TRIM37: variants seen among roughly 807,000 people sequenced by gnomAD.
TRIM37 encodes tripartite motif containing 37.
Under a neutral mutation model 129.8 loss-of-function variants are expected in TRIM37, and 80 were observed. The ratio of observed to expected loss-of-function variants is 0.62; its 90% CI spans 0.51 to 0.74. The LOEUF is 0.74. Ranked by LOEUF, TRIM37 falls within the 30% of genes least tolerant of loss-of-function variation. The pLI is 0.00. For synonymous variants in TRIM37, 389 were observed against 387.1 expected, an observed-to-expected ratio of 1.00 and a Z score of -0.06; for missense variants, 1,054 against 1,176.5, an observed-to-expected ratio of 0.90 and a Z score of 1.52.
chr17:59,098,729 A>T (rs1370143832), intron 2 of TRIM37, among the ~76,000 whole-genome samples: 2 of 152,114 alleles, frequency 1.3e-5, no homozygotes, highest in African/African-American at 2.4e-5. Context: ...AATTAAAAAA[A>T]AATTAACAGA....
rs555396617 is a variant in TRIM37, at chr17:59,028,014, A to G, written c.2257+401T>C. 5.3e-5 allele frequency among the ~76,000 whole-genome samples: 8 copies of G among 152,300 alleles called. No homozygotes were observed. The South Asian group carries it at 1.7e-3, about 32-fold the overall frequency. ...CTCAGGTCAAGTGCTGCCTCCTCAC[A>G]GAGACTTTCTCTGACTACCCCAATA... On this transcript the variant is annotated intron_variant, in intron 19 of 23. Coordinates refer to ENST00000262294, the MANE Select transcript of TRIM37 (RefSeq NM_015294.6).
exon 25 of TRIM37, chr17:58,982,688 G>A (rs1385836224): frequency 8.4e-6 from 4 of 477,354 alleles, no homozygotes; most frequent in Admixed American, 7.2e-5. Context: ...TTAAAATTTG[G>A]ATGTAAGTAG....
intron 21 of TRIM37, 42 bp downstream of exon 21, chr17:59,015,568 T>C: frequency 6.3e-7 from 1 of 1,588,156 alleles, no homozygotes; most frequent in Non-Finnish European, 8.6e-7. Flanking sequence ...AACAAAGCTA[T>C]TAGCTATTAT....
Position 59,051,239 on chromosome 17 carries a change from A to C in TRIM37, c.1289T>G (p.Ile430Ser), listed in dbSNP as rs2040313195. Residue 430 changes from isoleucine to serine, a missense_variant, in exon 14 of 24, where the codon ATC becomes AGC. Ile to Ser is a moderately radical substitution (Grantham distance 142). Transcript: ENST00000262294. The stretch of plus-strand genomic sequence containing the variant: ...CTCTTTAAGGTTGTTTATTTGTTGG[A>C]TATAACTAGTCTGTGCAGCTTCCAA... ...TQLEAAQTSY[I>S]QQINNLKERL... 1 of 1,612,710 alleles carries C rather than the reference A, an allele frequency of 6.2e-7. No individual in the cohort carries two copies. Among genetic ancestry groups the C allele is most frequent in the Non-Finnish European group, 8.5e-7 (1 of 1,178,876 alleles).
At chr17:59,025,575 C>A (rs1368142486) in intron 19 of TRIM37, among the ~76,000 whole-genome samples, 1 of 151,976 alleles carries the variant, frequency 6.6e-6, no homozygotes, top group Non-Finnish European at 1.5e-5. Context: ...AGGACCCCTG[C>A]GTATACTAAA....
intron 1 of TRIM37, among the ~76,000 whole-genome samples, chr17:59,105,309 T>C (rs951111674): frequency 6.6e-6 from 1 of 152,142 alleles, no homozygotes; most frequent in Non-Finnish European, 1.5e-5. Flanking sequence ...GCCCTGATGT[T>C]ACAACAGACT....
chr17:58,975,043 T>G, the TRIM37 span, among the ~76,000 whole-genome samples: 1 of 152,196 alleles, frequency 6.6e-6, no homozygotes, highest in Non-Finnish European at 1.5e-5. Flanking sequence ...GGGAAAAGTC[T>G]TTATCATGCA....
chr17:59,074,038 A>ATTATATACCATACATAATAATGTG (rs2042603760), intron 8 of TRIM37, among the ~76,000 whole-genome samples: 1 of 152,252 alleles, frequency 6.6e-6, no homozygotes, highest in Non-Finnish European at 1.5e-5. Context: ...CTTATCAAGT[A>ATTATATACCATACATAATAATGTG]TTATATACCA....
At chr17:59,049,486 T>G (rs115397387) in intron 14 of TRIM37, 93 bp from the exon 15 acceptor site, 1 of 1,076,010 alleles carries the variant, frequency 9.3e-7, no homozygotes, top group African/African-American at 1.6e-5. Context: ...CAGATGTTTC[T>G]AAAACCATTG....
intron 9 of TRIM37, among the ~76,000 whole-genome samples, chr17:59,070,443 A>G (rs529596803): frequency 5.3e-5 from 8 of 151,464 alleles, no homozygotes; most frequent in South Asian, 4.2e-4. Context: ...GAGCTCTTGG[A>G]AAAAAAAATG....
In TRIM37 at chr17:59,052,227, A is replaced by C. The variant is rs932230489; in HGVS notation, c.1200-899T>G. ...GTTGTTTTAATTAAAAAAAAAAAAA[A>C]AACTATTACTAAAGCAAACAAACCT... On this transcript the variant is annotated intron_variant, in intron 13 of 23. Coordinates refer to ENST00000262294, the MANE Select transcript of TRIM37 (RefSeq NM_015294.6). Among the ~76,000 whole-genome samples the C allele has an allele frequency of 7.2e-5, 11 of 152,184 alleles. No individual in the cohort carries two copies. The East Asian group carries it at 1.5e-3, about 21-fold the overall frequency.
intron 24 of TRIM37, among the ~76,000 whole-genome samples, chr17:58,990,646 C>G (rs2032289559): frequency 6.6e-6 from 1 of 151,072 alleles, no homozygotes; most frequent in African/African-American, 2.4e-5. Context: ...CAAAAATTAG[C>G]TGGGTGTGGT....
intron 8 of TRIM37, among the ~76,000 whole-genome samples, chr17:59,072,253 A>G (rs2042434890): frequency 6.6e-6 from 1 of 152,226 alleles, no homozygotes; most frequent in Admixed American, 6.5e-5. Context: ...TTAGACTTCC[A>G]GCCCCTAGAA....
In TRIM37 at chr17:59,051,331, T is replaced by C; in HGVS notation, c.1200-3A>G. The C allele has an allele frequency of 6.3e-7, 1 of 1,594,792 alleles. No homozygotes were observed. Among genetic ancestry groups the C allele is most frequent in the Non-Finnish European group, 8.6e-7 (1 of 1,162,482 alleles). On this transcript the variant is annotated splice_polypyrimidine_tract_variant and splice_region_variant and intron_variant, in intron 13 of 23. Coordinates refer to ENST00000262294, the MANE Select transcript of TRIM37 (RefSeq NM_015294.6). ...AAGTTGGTGAACGTACCTGAAACCT[T>C]AAAAGAATTGTGCCACATTAAAAAA...
chr17:58,980,889 G>A (rs749650098), downstream of TRIM37: 31 of 1,614,058 alleles, frequency 1.9e-5, no homozygotes, highest in South Asian at 3.2e-4. The surrounding 1 kb of genome is among the most constrained non-coding windows in gnomAD (Gnocchi z 4.7). Flanking sequence ...TCACTTACTG[G>A]AAGTGGGAAG....
intron 19 of TRIM37, among the ~76,000 whole-genome samples, chr17:59,025,093 T>TA (rs1267786811): frequency 6.6e-6 from 1 of 152,226 alleles, no homozygotes; most frequent in Non-Finnish European, 1.5e-5. Context: ...TCGACCTCTA[T>TA]GAGTTCAAAA....
At chr17:59,013,046 A>C (rs975158090) in intron 21 of TRIM37, among the ~76,000 whole-genome samples, 5 of 152,200 alleles carry the variant, frequency 3.3e-5, no homozygotes, top group African/African-American at 1.2e-4. Flanking sequence ...CTTACAACTG[A>C]ATGTGAACCT....
chr17:59,086,673 G>C (rs1454723098), intron 4 of TRIM37, among the ~76,000 whole-genome samples: 1 of 152,186 alleles, frequency 6.6e-6, no homozygotes, highest in African/African-American at 2.4e-5. Context: ...ATAAGAGTTA[G>C]AATACATCAG....
chr17:59,069,367 T>C (rs1032355861), intron 9 of TRIM37, among the ~76,000 whole-genome samples: 1 of 151,194 alleles, frequency 6.6e-6, no homozygotes, highest in Non-Finnish European at 1.5e-5. Context: ...AATAAAATAA[T>C]AAATTAAAAA....
Sources: gnomAD v4.1 joint callset for allele counts (sites outside exome capture counted in the v4.1 genomes callset) on GRCh38, gnomAD v4.1.1 for gene constraint, Gnocchi (gnomAD v3.1) non-coding constraint, MANE v1.5 for transcripts, NCBI Gene and HGNC (gene_info 2026-07-23, HGNC 2026-07-21) for gene names.